The following PARD3 variants were observed in gnomAD, a reference collection of about 807,000 sequenced individuals.
PARD3 encodes par-3 family cell polarity regulator, also known as partitioning defective 3 homolog.
In PARD3, 75 loss-of-function variants were observed where a neutral mutation model predicts 155.4. The observed-to-expected ratio is 0.48, with a 90% confidence interval of 0.40 to 0.58. The LOEUF is 0.58. Ranked by LOEUF, PARD3 falls within the 20% of genes least tolerant of loss-of-function variation. The pLI, the probability that PARD3 is intolerant of heterozygous loss-of-function variation, is 0.00. For missense variants in PARD3, 1,642 were observed against 1,721.7 expected (o/e 0.95, Z 0.82); for synonymous variants, 576 against 610.5 (o/e 0.94, Z 0.83).
At chr10:34,227,982 A>G (rs1219124929) in intron 22 of PARD3, among the ~76,000 whole-genome samples, 1 of 149,918 alleles carries the variant, frequency 6.7e-6, no homozygotes, top group Non-Finnish European at 1.5e-5. Flanking sequence ...TCATAGCACT[A>G]TTTACAATAG....
intron 5 of PARD3, among the ~76,000 whole-genome samples, chr10:34,435,242 T>A (rs145914152): frequency 1.6e-4 from 25 of 152,296 alleles, no homozygotes; most frequent in Admixed American, 6.5e-4. Flanking sequence ...TTTGTTGTAA[T>A]TGCAGATGGC....
chr10:34,341,310 A>T (rs1836804835), intron 16 of PARD3, among the ~76,000 whole-genome samples: 1 of 152,210 alleles, frequency 6.6e-6, no homozygotes, highest in Admixed American at 6.5e-5. Context: ...TTATTTAATT[A>T]AAAAACAATG....
chr10:34,374,881 C>T lies in PARD3; in HGVS notation c.1661G>A (p.Arg554Lys). 6.2e-7 allele frequency: 1 copy of T among 1,613,956 alleles called. No individual in the cohort carries two copies. The change falls in exon 11 of 25, where the codon AGG becomes AAG. Residue 554 changes from arginine to lysine, a missense_variant. Arg to Lys is a conservative substitution (Grantham distance 26, BLOSUM62 2). Coordinates refer to ENST00000374788, the MANE Select transcript of PARD3 (RefSeq NM_001184785.2). ...TACTCTAAATTTACACACCAGTTCC[C>T]TTGGGTGGAAGGCGTCTTCCTGGCG... The part of the protein sequence containing the change: ...VFRQEDAFHP[R>K]ELNAEPSQMQ...
At chr10:34,336,589 G>C (rs188853029) in intron 17 of PARD3, among the ~76,000 whole-genome samples, 288 of 152,028 alleles carry the variant, frequency 1.9e-3, no homozygotes, top group Middle Eastern at 3.4e-3. Flanking sequence ...AGTTACAGTT[G>C]ATTAACAAAG....
chr10:34,745,466 GAA>G (rs2133911362), intron 1 of PARD3, among the ~76,000 whole-genome samples: 1 of 138,642 alleles, frequency 7.2e-6, no homozygotes, highest in South Asian at 2.3e-4. Context: ...AAGAGAGAGG[GAA>G]AGAGAGAGAG....
intron 23 of PARD3, among the ~76,000 whole-genome samples, chr10:34,120,004 A>ATTTTTTTTTTTTTTTTTTTTT (rs1185067110): frequency 8.1e-5 from 6 of 73,824 alleles, no homozygotes; most frequent in African/African-American, 2.9e-4. Context: ...GTCTTCTTTA[A>ATTTTTTTTTTTTTTTTTTTTT]TTTTTTTTTT....
At chr10:34,186,230 C>G (rs774257229) in intron 22 of PARD3, among the ~76,000 whole-genome samples, 1 of 152,012 alleles carries the variant, frequency 6.6e-6, no homozygotes, top group Non-Finnish European at 1.5e-5. Flanking sequence ...CGGGGTAGCT[C>G]ACGCCTGTAA....
chr10:34,417,898 T>C (rs990035878), intron 5 of PARD3, among the ~76,000 whole-genome samples: 1 of 152,154 alleles, frequency 6.6e-6, no homozygotes, highest in African/African-American at 2.4e-5. Flanking sequence ...CTGGAGAAAG[T>C]AGCAAGACAA....
chr10:34,284,418 T>C (rs1181168512), intron 20 of PARD3, among the ~76,000 whole-genome samples, 173 bp from the exon 21 acceptor site: 1 of 152,206 alleles, frequency 6.6e-6, no homozygotes, highest in Non-Finnish European at 1.5e-5. Context: ...CAGATTATTT[T>C]ATTCATTTTT....
chr10:34,119,507 G>A, intron 24 of PARD3, 106 bp downstream of exon 24: 1 of 1,165,712 alleles, frequency 8.6e-7, no homozygotes, highest in Non-Finnish European at 1.2e-6. Context: ...TGCTACCAGG[G>A]GCAAGCTGGA....
At chr10:34,151,507 T>C (rs1257751090) in intron 22 of PARD3, among the ~76,000 whole-genome samples, 1 of 152,202 alleles carries the variant, frequency 6.6e-6, no homozygotes, top group African/African-American at 2.4e-5. Context: ...AATTTTCCAA[T>C]TAAAGCTTCA....
intron 2 of PARD3, among the ~76,000 whole-genome samples, chr10:34,565,578 T>A (rs2085869064): frequency 1.3e-5 from 2 of 152,136 alleles, no homozygotes; most frequent in African/African-American, 4.8e-5. Context: ...GACACTTTTA[T>A]CTTAACTCTG....
intron 3 of PARD3, among the ~76,000 whole-genome samples, chr10:34,489,713 G>A (rs1470278663): frequency 6.6e-6 from 1 of 152,168 alleles, no homozygotes; most frequent in East Asian, 1.9e-4. Flanking sequence ...TAATGTAAAA[G>A]TAAACATGCC....
chr10:34,696,455 T>C (rs2094174227), intron 1 of PARD3, 36 bp from the exon 2 acceptor site: 1 of 1,240,846 alleles, frequency 8.1e-7, no homozygotes, highest in South Asian at 1.2e-5. Flanking sequence ...ATATAGCAAG[T>C]TAGCATCACC....
chr10:34,377,366 T>G (rs1166891637), intron 10 of PARD3, among the ~76,000 whole-genome samples: 4 of 152,186 alleles, frequency 2.6e-5, no homozygotes, highest in African/African-American at 9.7e-5. Flanking sequence ...CCCAGCATTT[T>G]GGGAGGCCAA....
At chr10:34,805,926 G>A (rs1170097845) in intron 1 of PARD3, among the ~76,000 whole-genome samples, 2 of 151,686 alleles carry the variant, frequency 1.3e-5, no homozygotes, top group Non-Finnish European at 2.9e-5. Context: ...GCAGTGAGCC[G>A]AAATCACGTC....
intron 2 of PARD3, among the ~76,000 whole-genome samples, chr10:34,553,702 G>A (rs1415386194): frequency 1.3e-5 from 2 of 152,156 alleles, no homozygotes; most frequent in African/African-American, 4.8e-5. Context: ...ATCGAATGTT[G>A]GGGTTTTAGG....
chr10:34,606,155 AATGTGTGTGTGT>A (rs1245872228), intron 2 of PARD3, among the ~76,000 whole-genome samples: 6 of 106,674 alleles, frequency 5.6e-5, no homozygotes, highest in African/African-American at 2.0e-4. Flanking sequence ...TATAAAGGGA[AATGTGTGTGTGT>A]GTGTGTGTGT....
chr10:34,441,041 G>C (rs549632961), intron 5 of PARD3, among the ~76,000 whole-genome samples: 3 of 152,238 alleles, frequency 2.0e-5, no homozygotes, highest in African/African-American at 7.2e-5. Context: ...ATTTTAAAAG[G>C]TTAAATTTTA....
Sources: gnomAD v4.1 joint callset for allele counts (sites outside exome capture counted in the v4.1 genomes callset) on GRCh38, gnomAD v4.1.1 for gene constraint, MANE v1.5 for transcripts, NCBI Gene and HGNC (gene_info 2026-07-23, HGNC 2026-07-21) for gene names.